Variants in PWWP2A observed in about 807,000 individuals in gnomAD.
The protein encoded by PWWP2A is PWWP domain-containing protein 2A.
PWWP2A carries 18 observed loss-of-function variants against 48.5 expected under a neutral mutation model. The ratio of observed to expected loss-of-function variants is 0.37; its 90% CI spans 0.26 to 0.55. The LOEUF (loss-of-function observed/expected upper bound fraction) is 0.55, where lower values mean the gene tolerates loss of function less well. PWWP2A is among the 20% of genes least tolerant of loss of function. PWWP2A has a pLI of 0.81. For missense variants in PWWP2A, 867 were observed against 976.4 expected, an observed-to-expected ratio of 0.89 and a Z score of 1.49; for synonymous variants, 396 against 387.7, an observed-to-expected ratio of 1.02 and a Z score of -0.25.
chr5:160,084,854 T>C (rs1470693163), intron 2 of PWWP2A, among the ~76,000 whole-genome samples: 1 of 152,122 alleles, frequency 6.6e-6, no homozygotes, highest in African/African-American at 2.4e-5. Context: ...ACAAAAAATT[T>C]TTCCACAGGC....
chr5:160,065,088 A>G (rs1304204082), intron 4 of PWWP2A: 3 of 1,604,262 alleles, frequency 1.9e-6, no homozygotes, highest in Non-Finnish European at 2.5e-6. Context: ...AAGCTTTACA[A>G]GCTGACTTGG....
Position 160,077,038 on chromosome 5 carries a change from A to T in PWWP2A, c.*1117T>A, listed in dbSNP as rs1379516866. ...TGGTTTTCTCATGTTTTCTCCATTC[A>T]TTAAAAAAGAAAAATTAAGGTCTTT... On this transcript the variant is annotated 3_prime_UTR_variant, in exon 4 of 4. Transcript: ENST00000456329. The surrounding 1 kb of genome is among the most constrained non-coding windows in gnomAD (Gnocchi z 4.2). 6.6e-6 allele frequency: 1 copy of T among 151,490 alleles called. No homozygotes were observed. The highest frequency in any genetic ancestry group is 2.4e-5 in the African/African-American group (1 of 41,218). The allele number at this position is 151,490 out of a possible 1,614,324, so 9.4% of individuals were successfully genotyped here.
At chr5:160,085,752 G>A (rs938272436) in intron 2 of PWWP2A, among the ~76,000 whole-genome samples, 10 of 151,398 alleles carry the variant, frequency 6.6e-5, no homozygotes, top group South Asian at 6.3e-4. Context: ...TGATCCGCCC[G>A]CCTTGGCCTC....
intron 1 of PWWP2A, among the ~76,000 whole-genome samples, chr5:160,111,105 T>C (rs2113660430): frequency 6.6e-6 from 1 of 152,036 alleles, no homozygotes; most frequent in East Asian, 1.9e-4. Context: ...GGATTACTAG[T>C]CACTTGAGGC....
downstream of PWWP2A, among the ~76,000 whole-genome samples, chr5:160,072,905 G>A (rs1753774014): frequency 6.6e-6 from 1 of 150,764 alleles, no homozygotes; most frequent in Non-Finnish European, 1.5e-5. Flanking sequence ...TCGGGAGGCT[G>A]AGGTGGGAGA....
At chr5:160,086,990 T>C (rs761363538), downstream of PWWP2A, among the ~76,000 whole-genome samples, 31 of 152,210 alleles carry the variant, frequency 2.0e-4, no homozygotes, top group Admixed American at 3.9e-4. Context: ...TTTATGTTAC[T>C]GGAAGGGAAC....
the PWWP2A span, among the ~76,000 whole-genome samples, chr5:160,045,523 C>T: frequency 2.0e-5 from 2 of 98,384 alleles, no homozygotes; most frequent in African/African-American, 4.5e-5. Context: ...CATACACACT[C>T]TCTCTCTCTC....
the PWWP2A span, chr5:160,051,246 G>A: frequency 4.5e-6 from 6 of 1,320,440 alleles, no homozygotes; most frequent in African/African-American, 4.4e-5. Flanking sequence ...GGGACATAGC[G>A]AATACTAGAG....
intron 4 of PWWP2A, chr5:160,064,967 C>T (rs1369492181): frequency 3.1e-6 from 5 of 1,613,726 alleles, no homozygotes; most frequent in South Asian, 1.1e-5. Flanking sequence ...GGTTCTCCGA[C>T]CTTTTGGGCT....
chr5:160,099,632 T>C (rs1756045725), intron 1 of PWWP2A, among the ~76,000 whole-genome samples: 1 of 151,956 alleles, frequency 6.6e-6, no homozygotes, highest in South Asian at 2.1e-4. Flanking sequence ...CAAAATTCTT[T>C]TAAAATAAAT....
At chr5:160,113,073 G>T in intron 1 of PWWP2A, 1 of 211,266 alleles carries the variant, frequency 4.7e-6, no homozygotes, top group Non-Finnish European at 8.2e-6. Flanking sequence ...GCAGGGAACT[G>T]CTTGAACCAC....
chr5:160,070,087 G>T (rs543691019), intron 2 of PWWP2A, among the ~76,000 whole-genome samples: 14 of 152,310 alleles, frequency 9.2e-5, no homozygotes, highest in Non-Finnish European at 1.3e-4. Flanking sequence ...TGGTCTTTCT[G>T]TGTAGAGTGC....
chr5:160,080,611 T>A, intron 3 of PWWP2A: 1 of 1,478,920 alleles, frequency 6.8e-7, no homozygotes, highest in African/African-American at 1.4e-5. Context: ...GATGACATGA[T>A]GCCCTCTTCA....
chr5:160,080,836 C>CA (rs1253015658), intron 2 of PWWP2A: 31 of 1,415,434 alleles, frequency 2.2e-5, no homozygotes, highest in African/African-American at 2.9e-5. Context: ...TCCATTTTAC[C>CA]AAAAAAATAG....
chr5:160,066,315 T>TTTTTA (rs1753607904), intron 4 of PWWP2A, among the ~76,000 whole-genome samples: 2 of 147,878 alleles, frequency 1.4e-5, no homozygotes, highest in African/African-American at 2.5e-5. Context: ...TTTTTTTTTT[T>TTTTTA]GAGGGGGGTC....
chr5:160,105,443 C>A (rs1247045024), intron 1 of PWWP2A, among the ~76,000 whole-genome samples: 1 of 150,828 alleles, frequency 6.6e-6, no homozygotes. Context: ...GAGGCTGAGG[C>A]AGGAGAATCG....
At chr5:160,090,401 A>C (rs1198409389), downstream of PWWP2A, 21 of 983,332 alleles carry the variant, frequency 2.1e-5, no homozygotes, top group Non-Finnish European at 2.5e-5. Flanking sequence ...GAACAAGTTC[A>C]TTAATCTGAA....
Position 160,094,076 on chromosome 5 carries a change from A to C in PWWP2A, c.585-11T>G, listed in dbSNP as rs756016142. The C allele has an allele frequency of 6.4e-7, 1 of 1,564,954 alleles. No homozygotes were observed. Among genetic ancestry groups the C allele is most frequent in the Admixed American group, 1.9e-5 (1 of 51,606 alleles). ...CCATGGGGCCCAAACCTTTGAAAGA[A>C]ATGGAAGAAAAAAAGAAGACATTAA... On this transcript the variant is annotated splice_polypyrimidine_tract_variant and intron_variant, in intron 1 of 1. Coordinates refer to ENST00000307063, the MANE Select transcript of PWWP2A (RefSeq NM_001130864.2).
chr5:160,066,296 A>ATTTTTTTTTTTTT (rs59262456), intron 4 of PWWP2A, among the ~76,000 whole-genome samples: 2,810 of 94,262 alleles, frequency 0.03, 232 homozygotes, highest in Non-Finnish European at 0.039. Flanking sequence ...AGTGGTTCTC[A>ATTTTTTTTTTTTT]TTTTTTTTTT....
Sources: gnomAD v4.1 joint callset for allele counts (sites outside exome capture counted in the v4.1 genomes callset) on GRCh38, gnomAD v4.1.1 for gene constraint, Gnocchi (gnomAD v3.1) non-coding constraint, MANE v1.5 for transcripts, NCBI Gene and HGNC (gene_info 2026-07-23, HGNC 2026-07-21) for gene names.